The following PCDH7 variants were observed in gnomAD, a reference collection of about 807,000 sequenced individuals.
PCDH7 encodes protocadherin-7.
PCDH7 carries 17 observed loss-of-function variants against 58.9 expected under a neutral mutation model. The ratio of observed to expected loss-of-function variants is 0.29; its 90% CI spans 0.20 to 0.43. The LOEUF is 0.43. Among genes scored for constraint, PCDH7 ranks in the 20% least tolerant of loss-of-function variants. The pLI is 1.00. For missense variants in PCDH7, 1,274 were observed against 1,441.0 expected (o/e 0.88, Z 1.88); for synonymous variants, 664 against 616.4 (o/e 1.08, Z -1.14).
intron 1 of PCDH7, among the ~76,000 whole-genome samples, chr4:30,883,282 T>C (rs1243329663): frequency 1.3e-5 from 2 of 152,236 alleles, no homozygotes; most frequent in Non-Finnish European, 2.9e-5. Flanking sequence ...TTGTTAGTGA[T>C]GGTATAACCA....
At chr4:30,858,236 C>G (rs1345513950) in intron 1 of PCDH7, among the ~76,000 whole-genome samples, 1 of 151,990 alleles carries the variant, frequency 6.6e-6, no homozygotes, top group Non-Finnish European at 1.5e-5. Flanking sequence ...GAAAAAGTCT[C>G]TTTTTTTTCT....
intron 1 of PCDH7, among the ~76,000 whole-genome samples, chr4:30,823,023 T>C (rs1292337087): frequency 6.6e-6 from 1 of 152,136 alleles, no homozygotes. Context: ...CAGTTGACAA[T>C]ACAGGCATCA....
rs933613479 is a variant in PCDH7, at chr4:30,721,867, A to C, written c.445A>C (p.Thr149Pro). ...GCCCACCTTCCCGTCGCCCGTGCTC[A>C]CGCTCACGGTGGAGGAGAATCGGCC... The change falls in exon 1 of 2, where the codon ACG becomes CCG. Residue 149 changes from threonine to proline, a missense_variant. Physicochemically the swap from Thr to Pro is conservative, Grantham distance 38. Coordinates refer to ENST00000361762, the Ensembl canonical transcript of PCDH7. This position sits in a 1 kb window ranked among gnomAD's most constrained non-coding sequence, Gnocchi z 6.7. 9 of 1,603,736 alleles carry C rather than the reference A, an allele frequency of 5.6e-6. No individual in the cohort carries two copies. Among genetic ancestry groups the C allele is most frequent in the Non-Finnish European group, 7.7e-6 (9 of 1,175,798 alleles).
chr4:30,937,776 T>G (rs1488949677), intron 2 of PCDH7, among the ~76,000 whole-genome samples: 1 of 152,042 alleles, frequency 6.6e-6, no homozygotes, highest in African/African-American at 2.4e-5. Flanking sequence ...AAATTTCCTA[T>G]TCTAATATAA....
intron 1 of PCDH7, among the ~76,000 whole-genome samples, chr4:30,766,659 A>T (rs1411166061): frequency 6.6e-6 from 1 of 151,786 alleles, no homozygotes; most frequent in Non-Finnish European, 1.5e-5. Context: ...ATATATATAT[A>T]TATATATGTT....
At chr4:30,730,797 C>G (rs1418993852) in exon 2 of PCDH7, 7 of 1,608,472 alleles carry the variant, frequency 4.4e-6, no homozygotes, top group Non-Finnish European at 5.1e-6. Context: ...GAATTCCACT[C>G]TAATATGATG....
intron 3 of PCDH7, among the ~76,000 whole-genome samples, chr4:31,084,710 GGAGGGGAGGGGAGAA>G (rs1432522222): frequency 9.0e-6 from 1 of 111,224 alleles, no homozygotes; most frequent in Non-Finnish European, 1.9e-5. Flanking sequence ...GGAAAAGGGA[GGAGGGGAGGGGAGAA>G]GAGGGGAGGG....
intron 1 of PCDH7, among the ~76,000 whole-genome samples, chr4:30,738,220 G>A (rs1368376415): frequency 6.6e-6 from 1 of 152,132 alleles, no homozygotes; most frequent in African/African-American, 2.4e-5. Flanking sequence ...GTCCATGACA[G>A]AATCTATTAT....
intron 3 of PCDH7, among the ~76,000 whole-genome samples, chr4:31,123,508 GC>G (rs1384778681): frequency 1.3e-5 from 2 of 152,172 alleles, no homozygotes; most frequent in Non-Finnish European, 2.9e-5. Flanking sequence ...CAGGGCAAGT[GC>G]CTTTGGGCGC....
chr4:31,140,632 A>G (rs78039783), intron 3 of PCDH7, among the ~76,000 whole-genome samples: 4,455 of 151,508 alleles, frequency 0.029, 177 homozygotes, highest in East Asian at 0.19. Flanking sequence ...AAAGAAAAGA[A>G]AAAAGGATCC....
intron 1 of PCDH7, among the ~76,000 whole-genome samples, chr4:30,756,164 A>G (rs906071744): frequency 1.1e-4 from 17 of 152,074 alleles, no homozygotes; most frequent in Non-Finnish European, 5.9e-5. Flanking sequence ...TAAACCTAAG[A>G]AAGCTTTATA....
At chr4:30,864,695 G>A (rs1036718500) in intron 1 of PCDH7, among the ~76,000 whole-genome samples, 1 of 152,018 alleles carries the variant, frequency 6.6e-6, no homozygotes, top group East Asian at 1.9e-4. Flanking sequence ...AAGTTCAGCT[G>A]AGGAAACCTC....
intron 1 of PCDH7, among the ~76,000 whole-genome samples, chr4:30,804,560 G>A (rs1236131250): frequency 2.6e-5 from 4 of 151,252 alleles, no homozygotes; most frequent in Non-Finnish European, 5.9e-5. Flanking sequence ...AAGATGTCAG[G>A]CATAGGTATA....
chr4:31,058,195 C>T (rs1036541522), intron 3 of PCDH7, among the ~76,000 whole-genome samples: 11 of 152,070 alleles, frequency 7.2e-5, no homozygotes, highest in South Asian at 2.1e-4. Flanking sequence ...AACACACACA[C>T]GCAACAAAAA....
intron 1 of PCDH7, among the ~76,000 whole-genome samples, chr4:30,848,221 C>T (rs1201974187): frequency 4.6e-5 from 7 of 152,044 alleles, no homozygotes; most frequent in Middle Eastern, 3.4e-3. Flanking sequence ...TTGCTAGAGC[C>T]TAAAACTTTG....
intron 1 of PCDH7, among the ~76,000 whole-genome samples, chr4:30,841,683 T>A (rs945963703): frequency 6.6e-6 from 1 of 152,028 alleles, no homozygotes; most frequent in African/African-American, 2.4e-5. Context: ...TATGTGAAAA[T>A]GTAAAATAAC....
intron 3 of PCDH7, among the ~76,000 whole-genome samples, chr4:31,108,925 G>A (rs559409719): frequency 1.9e-4 from 29 of 152,292 alleles, no homozygotes; most frequent in Non-Finnish European, 2.1e-4. Context: ...GCCATAGTGA[G>A]CTGTTCTTGG....
At chr4:30,894,181 G>A (rs1342793747) in intron 1 of PCDH7, among the ~76,000 whole-genome samples, 1 of 152,022 alleles carries the variant, frequency 6.6e-6, no homozygotes, top group African/African-American at 2.4e-5. Flanking sequence ...AGTGCTTGAA[G>A]TTTGCTTTCC....
intron 3 of PCDH7, among the ~76,000 whole-genome samples, chr4:30,989,242 T>A (rs141951792): frequency 1.0e-3 from 154 of 150,376 alleles, no homozygotes; most frequent in African/African-American, 3.8e-3. Flanking sequence ...GGTGTAAATA[T>A]CTGACTGCAA....
Sources: allele counts gnomAD v4.1 joint callset (sites outside exome capture counted in the v4.1 genomes callset), GRCh38; gene constraint gnomAD v4.1.1; non-coding constraint Gnocchi (gnomAD v3.1); transcripts MANE v1.5; gene names NCBI Gene and HGNC (gene_info 2026-07-23, HGNC 2026-07-21).